The following APLF variants were observed in gnomAD, a reference collection of about 807,000 sequenced individuals.
APLF encodes aprataxin and PNK-like factor.
A neutral mutation model predicts 55.6 loss-of-function variants in APLF; 61 were observed. That is an observed-to-expected ratio of 1.10 (90% confidence interval 0.89 to 1.36). APLF has a LOEUF of 1.36. APLF is among the 40% of genes most tolerant of loss of function. The probability of loss-of-function intolerance (pLI) is 0.00; values close to 1 mark genes in which losing one functional copy is unlikely to be tolerated. For synonymous variants in APLF, 207 were observed against 214.8 expected, an observed-to-expected ratio of 0.96 and a Z score of 0.32; for missense variants, 611 against 602.5, an observed-to-expected ratio of 1.01 and a Z score of -0.15.
chr2:68,530,180 G>A (rs1252203844), intron 6 of APLF, among the ~76,000 whole-genome samples: 3 of 152,266 alleles, frequency 2.0e-5, no homozygotes, highest in Admixed American at 6.5e-5. Context: ...CGGGCTGTGC[G>A]ATTCCACAGC....
Position 68,525,354 on chromosome 2 carries a change from A to G in APLF, c.623-707A>G, listed in dbSNP as rs112583348. Among the ~76,000 whole-genome samples, 12 of 152,292 alleles carry G rather than the reference A, an allele frequency of 7.9e-5. 1 individual carries two copies. Among genetic ancestry groups the G allele is most frequent in the South Asian group, 4.1e-4 (2 of 4,824 alleles). On this transcript the variant is annotated intron_variant, in intron 5 of 9. Coordinates refer to ENST00000303795, the MANE Select transcript of APLF (RefSeq NM_173545.3). The stretch of plus-strand genomic sequence containing the variant: ...TCCTCACTGTGGATGTTAGGGTTTA[A>G]TAAGTAGTATATGTAAAGTTCATTG...
intron 1 of APLF, among the ~76,000 whole-genome samples, chr2:68,477,753 T>C (rs1300341064): frequency 6.6e-6 from 1 of 152,166 alleles, no homozygotes; most frequent in Non-Finnish European, 1.5e-5. Flanking sequence ...CTCATAATCA[T>C]GGTGGAAGGC....
intron 2 of APLF, among the ~76,000 whole-genome samples, chr2:68,500,289 G>C (rs972812306): frequency 6.6e-6 from 1 of 152,152 alleles, no homozygotes; most frequent in Non-Finnish European, 1.5e-5. Flanking sequence ...TGTATTAACA[G>C]TTTTAGGAAA....
chr2:68,552,189 T>C (rs912233247), intron 8 of APLF, among the ~76,000 whole-genome samples: 1 of 152,160 alleles, frequency 6.6e-6, no homozygotes, highest in African/African-American at 2.4e-5. Flanking sequence ...AGTGGGACTT[T>C]GTCTCTGAAA....
intron 3 of APLF, among the ~76,000 whole-genome samples, chr2:68,512,739 A>C (rs960158665): frequency 6.6e-6 from 1 of 151,792 alleles, no homozygotes; most frequent in African/African-American, 2.4e-5. Flanking sequence ...CTTGCAGTTT[A>C]CATTATCTCT....
At chr2:68,516,947 T>C in intron 5 of APLF, among the ~76,000 whole-genome samples, 1 of 125,422 alleles carries the variant, frequency 8.0e-6, no homozygotes, top group African/African-American at 3.1e-5. Flanking sequence ...ATATAATATA[T>C]ATAATATAAT....
chr2:68,510,427 A>G (rs1175663241), intron 3 of APLF, among the ~76,000 whole-genome samples: 2 of 151,860 alleles, frequency 1.3e-5, no homozygotes, highest in Non-Finnish European at 2.9e-5. Context: ...AACATGAAAA[A>G]ATGTTCAACA....
intron 8 of APLF, chr2:68,563,088 G>A: frequency 1.0e-6 from 1 of 985,026 alleles, no homozygotes; most frequent in Non-Finnish European, 1.2e-6. Flanking sequence ...TATTTCTTTT[G>A]CTTTAGGTTG....
At chr2:68,537,046 T>C (rs960940856) in intron 6 of APLF, among the ~76,000 whole-genome samples, 2 of 151,562 alleles carry the variant, frequency 1.3e-5, no homozygotes, top group East Asian at 2.0e-4. Flanking sequence ...GTGCCTGTAA[T>C]CCCAGCTACT....
intron 1 of APLF, among the ~76,000 whole-genome samples, chr2:68,484,698 A>G (rs1207780161): frequency 6.6e-6 from 1 of 151,604 alleles, no homozygotes; most frequent in Non-Finnish European, 1.5e-5. Context: ...TCTGAAAAAA[A>G]AAAAAAAAAA....
At chr2:68,494,604 A>G (rs1048285184) in intron 2 of APLF, among the ~76,000 whole-genome samples, 1 of 152,046 alleles carries the variant, frequency 6.6e-6, no homozygotes, top group Non-Finnish European at 1.5e-5. Flanking sequence ...TTATCCAGCT[A>G]TTAAGCCCAG....
chr2:68,505,776 C>T, intron 3 of APLF, among the ~76,000 whole-genome samples: 1 of 152,012 alleles, frequency 6.6e-6, no homozygotes, highest in East Asian at 1.9e-4. Flanking sequence ...TTCTTGTTCA[C>T]CAACCTGGAA....
chr2:68,492,456 C>T (rs1456638508), intron 2 of APLF, among the ~76,000 whole-genome samples: 1 of 151,862 alleles, frequency 6.6e-6, no homozygotes, highest in Non-Finnish European at 1.5e-5. Context: ...CCAGCCTGGG[C>T]GACAGAACGA....
At chr2:68,518,540 A>C (rs1669740956) in intron 5 of APLF, among the ~76,000 whole-genome samples, 1 of 113,728 alleles carries the variant, frequency 8.8e-6, no homozygotes, top group South Asian at 2.4e-4. Flanking sequence ...ATTAATATAT[A>C]ATAATATATC....
rs185921794 is a variant in APLF, at chr2:68,476,856, A to G, written c.96+9029A>G. Among the ~76,000 whole-genome samples the G allele has an allele frequency of 2.0e-5, 3 of 152,246 alleles. No homozygotes were observed. In the East Asian group the frequency reaches 5.8e-4, roughly 29 times the overall value. On this transcript the variant is annotated intron_variant, in intron 1 of 9. Transcript: ENST00000303795. The stretch of plus-strand genomic sequence containing the variant: ...TTGCACAATTTTGTGAATACAGTTA[A>G]CCCTGAACAACATGGGTTTTGAACG...
intron 9 of APLF, among the ~76,000 whole-genome samples, chr2:68,571,745 C>A (rs1035482976): frequency 6.6e-6 from 1 of 152,006 alleles, no homozygotes; most frequent in Non-Finnish European, 1.5e-5. Context: ...CAGCTTTGTT[C>A]TTTTGGCTTA....
At chr2:68,515,040 GCA>G (rs1219449564) in intron 5 of APLF, among the ~76,000 whole-genome samples, 1 of 151,618 alleles carries the variant, frequency 6.6e-6, no homozygotes, top group Non-Finnish European at 1.5e-5. Flanking sequence ...TGTGTATTCT[GCA>G]CAGTGGTCAT....
rs145568506 is a variant in APLF, at chr2:68,476,565, A to G, written c.96+8738A>G. Among the ~76,000 whole-genome samples the G allele has an allele frequency of 5.3e-5, 8 of 152,040 alleles. No individual in the cohort carries two copies. The East Asian group carries it at 1.5e-3, about 29-fold the overall frequency. On this transcript the variant is annotated intron_variant, in intron 1 of 9. Coordinates refer to ENST00000303795, the MANE Select transcript of APLF (RefSeq NM_173545.3). ...GCACTTCGAAGTCAATTACCAAGAG[A>G]TAAGCACTGTAAACATTCAATGTAG...
At position 68,563,495 on chromosome 2, in the gene APLF, CTT is replaced by C. The variant is rs1671219352; in HGVS notation, c.1287-3843_1287-3842del. On this transcript the variant is annotated intron_variant, in intron 8 of 9. Transcript: ENST00000303795. The stretch of plus-strand genomic sequence containing the variant: ...GAGAATGAGGAACTACCTTCTGAAA[CTT>C]TTAAGTTGAACCCCACTCCCCCACT... 6.7e-6 allele frequency: 3 copies of C among 449,242 alleles called. No individual in the cohort carries two copies. In the South Asian group the frequency reaches 2.8e-4, roughly 43 times the overall value. The allele number at this position is 449,242 out of a possible 1,614,324, so 27.8% of individuals were successfully genotyped here.
Sources: gnomAD v4.1 joint callset for allele counts (sites outside exome capture counted in the v4.1 genomes callset) on GRCh38, gnomAD v4.1.1 for gene constraint, MANE v1.5 for transcripts, NCBI Gene and HGNC (gene_info 2026-07-23, HGNC 2026-07-21) for gene names.